Variants in SPAG16 observed in about 807,000 individuals in gnomAD.
The protein encoded by SPAG16 is sperm associated antigen 16.
SPAG16 carries 86 observed loss-of-function variants against 80.4 expected under a neutral mutation model. That is an observed-to-expected ratio of 1.07 (90% CI 0.90 to 1.28). SPAG16 has a LOEUF of 1.28. SPAG16 is among the 50% of genes most tolerant of loss of function. The pLI is 0.00. For missense variants in SPAG16, 870 were observed against 765.3 expected (o/e 1.14, Z -1.61); for synonymous variants, 294 against 265.9 (o/e 1.11, Z -1.03).
Position 213,777,174 on chromosome 2 carries a change from C to G in SPAG16, c.1071-85311C>G, listed in dbSNP as rs188792268. ...TCCTACTTAAATTCAACTATTCTGACAATATATTAATACTAACCCCAAATC... is the reference window on the plus strand; with the variant it reads ...TCCTACTTAAATTCAACTATTCTGAGAATATATTAATACTAACCCCAAATC... On this transcript the variant is annotated intron_variant, in intron 10 of 15. Transcript: ENST00000331683. Among the ~76,000 whole-genome samples, 367 of 148,266 alleles carry G rather than the reference C, an allele frequency of 2.5e-3. 1 individual carries two copies. The highest frequency in any genetic ancestry group is 4.1e-3 in the South Asian group (19 of 4,676).
intron 13 of SPAG16, among the ~76,000 whole-genome samples, chr2:214,085,957 C>T (rs952717852): frequency 2.0e-5 from 3 of 152,214 alleles, no homozygotes; most frequent in Non-Finnish European, 4.4e-5. Context: ...TCTTCGCCCT[C>T]TGCCTTTTGA....
intron 9 of SPAG16, among the ~76,000 whole-genome samples, chr2:213,468,701 T>A (rs1410103555): frequency 6.7e-6 from 1 of 148,582 alleles, no homozygotes; most frequent in Non-Finnish European, 1.5e-5. Context: ...TGTGTGTATA[T>A]ATATATCTGT....
chr2:213,592,735 A>T (rs924609514), intron 10 of SPAG16, among the ~76,000 whole-genome samples: 1 of 152,186 alleles, frequency 6.6e-6, no homozygotes, highest in Non-Finnish European at 1.5e-5. Context: ...AATGGTGCTA[A>T]TGAAGTTCCT....
intron 15 of SPAG16, among the ~76,000 whole-genome samples, chr2:214,192,232 A>G (rs993737466): frequency 2.0e-5 from 3 of 152,118 alleles, no homozygotes; most frequent in African/African-American, 7.2e-5. Flanking sequence ...TATATTAAGG[A>G]AGGCACGCAA....
At chr2:213,833,526 A>AT (rs2125727844) in intron 10 of SPAG16, among the ~76,000 whole-genome samples, 5 of 1,998 alleles carry the variant, frequency 2.5e-3, no homozygotes, top group Non-Finnish European at 6.0e-3. Context: ...TATATAATAT[A>AT]TATATTATAT....
intron 9 of SPAG16, among the ~76,000 whole-genome samples, chr2:213,416,175 C>T (rs2069242187): frequency 6.6e-6 from 1 of 152,168 alleles, no homozygotes; most frequent in African/African-American, 2.4e-5. Flanking sequence ...CTGGGAAAGA[C>T]TTGACATTCT....
intron 9 of SPAG16, among the ~76,000 whole-genome samples, chr2:213,384,963 G>A (rs561237072): frequency 6.6e-6 from 1 of 152,238 alleles, no homozygotes; most frequent in East Asian, 1.9e-4. Flanking sequence ...ACATTTACGT[G>A]CTTCTGGCTG....
chr2:213,994,571 T>C (rs1239781918), intron 12 of SPAG16, among the ~76,000 whole-genome samples: 1 of 136,084 alleles, frequency 7.3e-6, no homozygotes, highest in African/African-American at 3.0e-5. Flanking sequence ...AAAATGATTT[T>C]CCATCCTTTT....
chr2:214,185,676 T>C (rs1297535131), intron 15 of SPAG16, among the ~76,000 whole-genome samples: 1 of 152,124 alleles, frequency 6.6e-6, no homozygotes, highest in Non-Finnish European at 1.5e-5. Flanking sequence ...AAGCAAAACT[T>C]GCAGGCCAGA....
intron 15 of SPAG16, among the ~76,000 whole-genome samples, chr2:214,176,917 G>C (rs543584141): frequency 4.0e-5 from 6 of 150,884 alleles, no homozygotes; most frequent in Admixed American, 2.7e-4. Context: ...CTTTATTAAC[G>C]TATCTCCGGA....
At chr2:214,264,874 T>C (rs1047047798) in intron 15 of SPAG16, among the ~76,000 whole-genome samples, 1 of 152,190 alleles carries the variant, frequency 6.6e-6, no homozygotes, top group African/African-American at 2.4e-5. Context: ...TTTGGAATTA[T>C]ATAGTTTGTG....
At chr2:214,380,130 T>A (rs570457276) in intron 15 of SPAG16, among the ~76,000 whole-genome samples, 1 of 152,130 alleles carries the variant, frequency 6.6e-6, no homozygotes, top group Non-Finnish European at 1.5e-5. Context: ...TGCACTAGAT[T>A]TATGTCATTA....
chr2:213,887,926 A>T (rs1437720259), intron 11 of SPAG16, among the ~76,000 whole-genome samples: 3 of 151,836 alleles, frequency 2.0e-5, no homozygotes, highest in African/African-American at 7.2e-5. Flanking sequence ...CACCAACCTA[A>T]TATGTACTTT....
intron 10 of SPAG16, among the ~76,000 whole-genome samples, chr2:213,816,238 T>C (rs2072528485): frequency 6.6e-6 from 1 of 152,192 alleles, no homozygotes; most frequent in African/African-American, 2.4e-5. Flanking sequence ...TATCATTACA[T>C]GCCGTTGTAG....
At chr2:214,084,046 GA>G (rs2051558348) in intron 13 of SPAG16, among the ~76,000 whole-genome samples, 1 of 150,868 alleles carries the variant, frequency 6.6e-6, no homozygotes, top group African/African-American at 2.4e-5. Flanking sequence ...ACAGTTTTGA[GA>G]AAACCATATA....
chr2:214,032,101 C>T (rs1193383539), intron 13 of SPAG16, among the ~76,000 whole-genome samples: 2 of 152,174 alleles, frequency 1.3e-5, no homozygotes, highest in African/African-American at 4.8e-5. Context: ...CTTTTCCCCT[C>T]CCTTGCATGC....
chr2:213,517,751 A>G (rs1485698080), intron 10 of SPAG16, among the ~76,000 whole-genome samples: 1 of 152,198 alleles, frequency 6.6e-6, no homozygotes. Context: ...GGCCCGTTAT[A>G]TGGAGAATAA....
intron 10 of SPAG16, among the ~76,000 whole-genome samples, chr2:213,671,692 G>T (rs999222620): frequency 6.6e-6 from 1 of 152,168 alleles, no homozygotes; most frequent in African/African-American, 2.4e-5. Flanking sequence ...AAATTTAGAT[G>T]GTCTTGAGTT....
chr2:214,275,703 TTACTTCCA>T lies in SPAG16; in HGVS notation c.1720+126438_1720+126445del, dbSNP rs1692413516. 3.3e-5 allele frequency among the ~76,000 whole-genome samples: 5 copies of T among 152,334 alleles called. No homozygotes were observed. In the South Asian group the frequency reaches 1.0e-3, roughly 32 times the overall value. ...TCTTTTACATTTGGTGAGGAGTGCT[TTACTTCCA>T]ACTATGTGGTCAGTTTTGGAATAAG... On this transcript the variant is annotated intron_variant, in intron 15 of 15. Transcript: ENST00000331683.
Sources: gnomAD v4.1 joint callset for allele counts (sites outside exome capture counted in the v4.1 genomes callset) on GRCh38, gnomAD v4.1.1 for gene constraint, MANE v1.5 for transcripts, NCBI Gene and HGNC (gene_info 2026-07-23, HGNC 2026-07-21) for gene names.